WDR44: variants seen among roughly 807,000 people sequenced by gnomAD.
WDR44 encodes WD repeat-containing protein 44.
In WDR44, 9 loss-of-function variants were observed where a neutral mutation model predicts 65.7. The observed-to-expected ratio is 0.14, with a 90% CI of 0.08 to 0.24. WDR44 has a LOEUF of 0.24. WDR44 is among the 10% of genes least tolerant of loss of function. The pLI, the probability that WDR44 is intolerant of heterozygous loss-of-function variation, is 1.00. For synonymous variants in WDR44, 220 were observed against 235.2 expected (o/e 0.94, Z 0.59); for missense variants, 425 against 670.9 (o/e 0.63, Z 4.05).
At chrX:118,389,627 A>G (rs1338015166) in intron 3 of WDR44, among the ~76,000 whole-genome samples, 1 of 105,198 alleles carries the variant, frequency 9.5e-6, no homozygotes, top group African/African-American at 3.5e-5. Flanking sequence ...AGGCCAAGGC[A>G]GGAGAATCGC....
chrX:118,401,932 G>A (rs954904763), intron 8 of WDR44, among the ~76,000 whole-genome samples: 1 of 110,588 alleles, frequency 9.0e-6, no homozygotes, highest in Non-Finnish European at 1.9e-5. Flanking sequence ...TGGTGTATTC[G>A]CCATAGAATT....
rs377407733 is a variant in WDR44 at position 118,407,036 on chromosome X, T to A, written c.1533+10T>A. 2 of 1,192,614 alleles carry A rather than the reference T, an allele frequency of 1.7e-6. No individual in the cohort carries two copies. The highest frequency in any genetic ancestry group is 2.3e-6 in the Non-Finnish European group (2 of 886,736). ...TAGTGGTGAACATATGGTAAGCAACTTTTTCATTTTTTAGGATTGATACTG... is the reference window on the plus strand; with the variant it reads ...TAGTGGTGAACATATGGTAAGCAACATTTTCATTTTTTAGGATTGATACTG... On this transcript the variant is annotated intron_variant, in intron 10 of 19. Coordinates refer to ENST00000254029, the MANE Select transcript of WDR44 (RefSeq NM_019045.5).
chrX:118,346,573 C>G lies in WDR44; in HGVS notation c.70C>G (p.Pro24Ala), dbSNP rs767206778. The G allele has an allele frequency of 1.0e-4, 121 of 1,187,762 alleles. No homozygotes were observed. The highest frequency in any genetic ancestry group is 9.4e-4 in the Middle Eastern group (4 of 4,271). The change falls in exon 1 of 20, where the codon CCC (proline) becomes GCC (alanine). Residue 24 changes from proline (P) to alanine (A), a missense_variant. Around this residue, in one of 5 missense-constraint regions of WDR44, gnomAD observed 193 missense variants for 209.0 expected, o/e 0.92. Coordinates refer to ENST00000254029, the MANE Select transcript of WDR44 (RefSeq NM_019045.5). Reference protein sequence around the residue: ...PEDVHLGGGYPVGSPGKVGLS... With the variant: ...PEDVHLGGGYAVGSPGKVGLS... The stretch of plus-strand genomic sequence containing the variant: ...AGATGTGCACCTAGGGGGCGGCTAC[C>G]CCGTGGGGTAAGTGACTGCAGCTAT...
chrX:118,384,053 T>C (rs1156448880), intron 2 of WDR44, among the ~76,000 whole-genome samples: 1 of 107,694 alleles, frequency 9.3e-6, no homozygotes, highest in Non-Finnish European at 1.9e-5. Flanking sequence ...CTAATTATTA[T>C]TTTTTTTAGA....
intron 2 of WDR44, among the ~76,000 whole-genome samples, chrX:118,385,044 T>TTTG (rs2056753822): frequency 8.9e-6 from 1 of 112,072 alleles, no homozygotes; most frequent in South Asian, 3.7e-4. Flanking sequence ...TTGAAGTTGT[T>TTTG]TATCAGCTTA....
At chrX:118,368,797 A>G (rs1223866904) in intron 1 of WDR44, among the ~76,000 whole-genome samples, 5 of 99,386 alleles carry the variant, frequency 5.0e-5, no homozygotes, top group African/African-American at 7.7e-5. Context: ...GCTCACTGCA[A>G]CCTCTGCCTC....
At chrX:118,402,898 G>A (rs898301986) in intron 8 of WDR44, among the ~76,000 whole-genome samples, 2 of 112,465 alleles carry the variant, frequency 1.8e-5, no homozygotes, top group African/African-American at 6.5e-5. Context: ...TCCAGGTGCT[G>A]TGGAGATATT....
At chrX:118,351,809 G>A (rs1247387841) in intron 1 of WDR44, among the ~76,000 whole-genome samples, 2 of 110,494 alleles carry the variant, frequency 1.8e-5, no homozygotes, top group East Asian at 5.7e-4. Context: ...AATTAGCCGA[G>A]CATGGTAGCA....
At chrX:118,368,943 G>T (rs1229081164) in intron 1 of WDR44, among the ~76,000 whole-genome samples, 5 of 107,441 alleles carry the variant, frequency 4.7e-5, no homozygotes, top group African/African-American at 1.7e-4. Flanking sequence ...GGCCAGGCTG[G>T]TCTCAAACTC....
chrX:118,379,908 C>A (rs897859415), intron 2 of WDR44, among the ~76,000 whole-genome samples: 167 of 111,385 alleles, frequency 1.5e-3, no homozygotes, highest in African/African-American at 5.3e-3. Context: ...TCTCATCCCC[C>A]ACCTCTCAAA....
chrX:118,427,270 C>CTT (rs760339863), intron 12 of WDR44, among the ~76,000 whole-genome samples: 1 of 87,995 alleles, frequency 1.1e-5, no homozygotes. Context: ...CCATGCCTGG[C>CTT]TTTTTTTTTT....
intron 14 of WDR44, among the ~76,000 whole-genome samples, chrX:118,437,823 G>A (rs1049290895): frequency 9.1e-6 from 1 of 110,464 alleles, no homozygotes; most frequent in Non-Finnish European, 1.9e-5. Flanking sequence ...AGATCACGAG[G>A]TCAAGAGATC....
At chrX:118,426,164 C>A (rs1047191320) in intron 12 of WDR44, among the ~76,000 whole-genome samples, 3 of 111,187 alleles carry the variant, frequency 2.7e-5, no homozygotes, top group African/African-American at 9.8e-5. Context: ...GAGAATGGCA[C>A]GGTAATCATA....
chrX:118,350,227 C>T (rs753899845), intron 1 of WDR44, among the ~76,000 whole-genome samples: 64 of 111,842 alleles, frequency 5.7e-4, no homozygotes, highest in Admixed American at 5.3e-3. Context: ...TAAACTCCTT[C>T]GTGTAAAATG....
intron 14 of WDR44, among the ~76,000 whole-genome samples, chrX:118,439,358 C>T (rs776942481): frequency 1.9e-5 from 2 of 107,434 alleles, no homozygotes; most frequent in Non-Finnish European, 3.9e-5. Flanking sequence ...GGTGGATCAC[C>T]TGAGGTCAGG....
intron 9 of WDR44, among the ~76,000 whole-genome samples, chrX:118,406,328 G>T (rs745911915): frequency 9.0e-6 from 1 of 111,113 alleles, no homozygotes; most frequent in African/African-American, 3.3e-5. Context: ...CACTTTGGAA[G>T]GCTAAGGCAG....
chrX:118,438,030 T>TAAA (rs775585860), intron 14 of WDR44, among the ~76,000 whole-genome samples: 15 of 86,875 alleles, frequency 1.7e-4, no homozygotes, highest in Admixed American at 8.7e-4. Context: ...TGTCTCAAAA[T>TAAA]AAAAAAAAAA....
intron 1 of WDR44, among the ~76,000 whole-genome samples, chrX:118,349,716 C>T (rs1160239580): frequency 9.0e-6 from 1 of 110,910 alleles, no homozygotes; most frequent in East Asian, 2.8e-4. Flanking sequence ...CGCCACCACG[C>T]CCAGCTAATT....
At chrX:118,421,172 C>T (rs991231782) in intron 12 of WDR44, among the ~76,000 whole-genome samples, 7 of 111,734 alleles carry the variant, frequency 6.3e-5, no homozygotes, top group Non-Finnish European at 1.9e-5. Context: ...GGGAAAAGGG[C>T]TTGCTTTTAT....
Sources: allele counts gnomAD v4.1 joint callset (sites outside exome capture counted in the v4.1 genomes callset), GRCh38; gene constraint gnomAD v4.1.1; regional missense constraint gnomAD v4.1.1; transcripts MANE v1.5; gene names NCBI Gene and HGNC (gene_info 2026-07-23, HGNC 2026-07-21).